Variants in CDH12 observed in about 807,000 individuals in gnomAD.
The protein encoded by CDH12 is cadherin-12.
Under a neutral mutation model 74.1 loss-of-function variants are expected in CDH12, and 41 were observed. The observed-to-expected ratio is 0.55, with a 90% confidence interval of 0.43 to 0.72. The LOEUF (loss-of-function observed/expected upper bound fraction) is 0.72. Among genes scored for constraint, CDH12 ranks in the 30% least tolerant of loss-of-function variants. The pLI is 0.00. For synonymous variants in CDH12, 399 were observed against 355.0 expected (o/e 1.12, Z -1.39); for missense variants, 945 against 977.2 (o/e 0.97, Z 0.44).
intron 3 of CDH12, among the ~76,000 whole-genome samples, chr5:22,230,447 T>C (rs535022967): frequency 6.6e-6 from 1 of 150,978 alleles, no homozygotes; most frequent in Admixed American, 6.7e-5. Flanking sequence ...TGTTTGCAAT[T>C]TATTGTCAAA....
At chr5:22,065,553 C>G (rs1741499460) in intron 5 of CDH12, among the ~76,000 whole-genome samples, 1 of 152,040 alleles carries the variant, frequency 6.6e-6, no homozygotes, top group Admixed American at 6.6e-5. Context: ...AACTCAAAGG[C>G]CTAGGGACAT....
At chr5:22,339,242 C>T (rs191180377) in intron 3 of CDH12, among the ~76,000 whole-genome samples, 77 of 152,272 alleles carry the variant, frequency 5.1e-4, no homozygotes, top group South Asian at 1.0e-3. Context: ...GACTGCAGTG[C>T]TGAGTGACTA....
intron 4 of CDH12, among the ~76,000 whole-genome samples, chr5:22,091,906 C>T (rs1743457595): frequency 6.6e-6 from 1 of 151,766 alleles, no homozygotes; most frequent in African/African-American, 2.4e-5. Flanking sequence ...TGGGTCCATC[C>T]TGAGTGAATT....
intron 5 of CDH12, among the ~76,000 whole-genome samples, chr5:22,034,954 G>A (rs4613669): frequency 0.021 from 3,135 of 152,102 alleles, 116 homozygotes; most frequent in African/African-American, 0.073. Context: ...ACAACTTTAG[G>A]CAAAATGACT....
intron 6 of CDH12, among the ~76,000 whole-genome samples, chr5:21,905,727 A>G (rs1178425196): frequency 8.6e-6 from 1 of 115,970 alleles, no homozygotes; most frequent in Non-Finnish European, 2.0e-5. Flanking sequence ...CCATCTCGGC[A>G]GAGAGACCTC....
chr5:22,144,969 G>T (rs1189907413), intron 4 of CDH12, among the ~76,000 whole-genome samples: 1 of 152,026 alleles, frequency 6.6e-6, no homozygotes, highest in Non-Finnish European at 1.5e-5. Context: ...CCCAGATGGA[G>T]GAACTTGATT....
intron 4 of CDH12, among the ~76,000 whole-genome samples, chr5:22,188,771 TTA>T (rs748366688): frequency 1.4e-4 from 22 of 152,274 alleles, no homozygotes; most frequent in Non-Finnish European, 2.6e-4. Context: ...AAGCATTTAT[TTA>T]TATATTTTCC....
In CDH12 at chr5:22,155,954, T is replaced by C. The variant is rs1747996784; in HGVS notation, c.-187+56544A>G. On this transcript the variant is annotated intron_variant, in intron 4 of 14. Transcript: ENST00000382254. ...AGCCAGTAGCATGTCAGGGTCTTATTACTCTGCTTCCTTAGAGTCTGATAT... is the reference window on the plus strand; with the variant it reads ...AGCCAGTAGCATGTCAGGGTCTTATCACTCTGCTTCCTTAGAGTCTGATAT... Among the ~76,000 whole-genome samples, 3 of 152,106 alleles carry C rather than the reference T, an allele frequency of 2.0e-5. No homozygotes were observed. The South Asian group carries it at 6.2e-4, about 32-fold the overall frequency.
chr5:21,947,944 T>A (rs1308921741), intron 6 of CDH12, among the ~76,000 whole-genome samples: 1 of 152,194 alleles, frequency 6.6e-6, no homozygotes, highest in Non-Finnish European at 1.5e-5. Context: ...ACAGCTCACC[T>A]GTTGATTCAG....
intron 3 of CDH12, among the ~76,000 whole-genome samples, chr5:22,277,563 T>G (rs538642336): frequency 6.6e-6 from 1 of 151,958 alleles, no homozygotes; most frequent in South Asian, 2.1e-4. Context: ...CCAGGCATGG[T>G]GGCTCACACC....
intron 4 of CDH12, among the ~76,000 whole-genome samples, chr5:22,201,141 A>G (rs1464773129): frequency 6.6e-6 from 1 of 152,180 alleles, no homozygotes; most frequent in Non-Finnish European, 1.5e-5. Context: ...TGGGTCATAG[A>G]CTGCTTGAGA....
intron 3 of CDH12, among the ~76,000 whole-genome samples, chr5:22,368,261 T>C (rs1162102702): frequency 6.6e-6 from 1 of 152,052 alleles, no homozygotes; most frequent in Non-Finnish European, 1.5e-5. Context: ...GAGATATTTT[T>C]ATTAATTTGT....
intron 1 of CDH12, among the ~76,000 whole-genome samples, chr5:22,681,112 T>C (rs1333789656): frequency 6.6e-6 from 1 of 152,020 alleles, no homozygotes; most frequent in Non-Finnish European, 1.5e-5. Context: ...CCTTGAATTA[T>C]TTTCAAATAG....
chr5:22,208,572 A>G (rs1007373608), intron 4 of CDH12, among the ~76,000 whole-genome samples: 1 of 152,150 alleles, frequency 6.6e-6, no homozygotes. Context: ...GAGGCTCCAC[A>G]TGGCATTTCA....
chr5:22,418,289 T>C (rs923708832), intron 2 of CDH12, among the ~76,000 whole-genome samples: 28 of 147,430 alleles, frequency 1.9e-4, no homozygotes, highest in Non-Finnish European at 1.7e-4. Flanking sequence ...TTTTTGCACA[T>C]TGATTTTGTA....
intron 5 of CDH12, among the ~76,000 whole-genome samples, chr5:22,003,440 G>A (rs2963542): frequency 3.6e-3 from 394 of 110,044 alleles, no homozygotes; most frequent in East Asian, 0.012. Context: ...GTAATCTCAA[G>A]CCTAGCACTT....
At chr5:22,778,229 G>A (rs937581337) in intron 1 of CDH12, among the ~76,000 whole-genome samples, 2 of 152,188 alleles carry the variant, frequency 1.3e-5, no homozygotes, top group African/African-American at 4.8e-5. Flanking sequence ...GATGATTAAT[G>A]TAGTTTAGGT....
chr5:21,798,807 T>C (rs1056396211), intron 10 of CDH12, among the ~76,000 whole-genome samples: 12 of 152,166 alleles, frequency 7.9e-5, no homozygotes, highest in Non-Finnish European at 1.6e-4. Context: ...GAGACATATA[T>C]GTTTTTTGCT....
chr5:22,425,638 T>C (rs372385768), intron 2 of CDH12, among the ~76,000 whole-genome samples: 2 of 152,076 alleles, frequency 1.3e-5, no homozygotes, highest in East Asian at 3.9e-4. Context: ...ATGTATTAGT[T>C]AAGATTGTAC....
Sources: gnomAD v4.1 joint callset for allele counts (sites outside exome capture counted in the v4.1 genomes callset) on GRCh38, gnomAD v4.1.1 for gene constraint, MANE v1.5 for transcripts, NCBI Gene and HGNC (gene_info 2026-07-23, HGNC 2026-07-21) for gene names.